SFMBT2: variants seen among roughly 807,000 people sequenced by gnomAD.
SFMBT2 encodes the protein scm-like with four MBT domains protein 2.
A neutral mutation model predicts 110.1 loss-of-function variants in SFMBT2; 38 were observed. The observed-to-expected ratio is 0.35, with a 90% confidence interval of 0.27 to 0.45. The LOEUF (loss-of-function observed/expected upper bound fraction) is 0.45, where lower values mean the gene tolerates loss of function less well. Ranked by LOEUF, SFMBT2 falls within the 20% of genes least tolerant of loss-of-function variation. The probability of loss-of-function intolerance (pLI) is 1.00; values close to 1 mark genes in which losing one functional copy is unlikely to be tolerated. For synonymous variants in SFMBT2, 425 were observed against 425.4 expected (o/e 1.00, Z 0.01); for missense variants, 1,011 against 1,094.9 (o/e 0.92, Z 1.08).
rs745856105 is a variant in SFMBT2 at position 7,334,616 on chromosome 10, G to A, written c.436+33033C>T. Among the ~76,000 whole-genome samples the A allele has an allele frequency of 3.9e-5, 6 of 152,150 alleles. No individual in the cohort carries two copies. The South Asian group carries it at 1.0e-3, about 26-fold the overall frequency. ...CTCATTAAAAGCGGGACCTGTCACC[G>A]ATACAGACATTAACTAAAGCATTAT... is the stretch of plus-strand genomic sequence containing the variant. On this transcript the variant is annotated intron_variant, in intron 4 of 20. Coordinates refer to ENST00000397167, the MANE Select transcript of SFMBT2 (RefSeq NM_001387889.1).
intron 11 of SFMBT2, among the ~76,000 whole-genome samples, chr10:7,208,883 T>C (rs923688226): frequency 4.6e-5 from 7 of 152,204 alleles, no homozygotes; most frequent in Middle Eastern, 3.2e-3. Context: ...TGATCATCTT[T>C]CCCATTCAAT....
rs183983568 is a variant in SFMBT2 at position 7,170,317 on chromosome 10, C to T, written c.2544+611G>A. ...ACAGGAGGCTCAACCAAAACCAGTT[C>T]TCTCCAGACAAAGGCCTGGCCAAGG... On this transcript the variant is annotated intron_variant, in intron 20 of 20. Transcript: ENST00000397167. The surrounding 1 kb of genome is among the most constrained non-coding windows in gnomAD (Gnocchi z 4.6). 1.1e-4 allele frequency among the ~76,000 whole-genome samples: 17 copies of T among 152,346 alleles called. No individual in the cohort carries two copies. Among genetic ancestry groups the T allele is most frequent in the Admixed American group, 3.9e-4 (6 of 15,310 alleles).
rs987509770 is a variant in SFMBT2 at position 7,301,391 on chromosome 10, A to G, written c.437-15437T>C. On this transcript the variant is annotated intron_variant, in intron 4 of 20. Transcript: ENST00000397167. This position sits in a 1 kb window ranked among gnomAD's most constrained non-coding sequence, Gnocchi z 4.2. ...GGTCAAGCAGCTCTTCCAATCATCAAGTGAGGAATGAAGAAAGCCCGAACT... is the reference window on the plus strand; with the variant it reads ...GGTCAAGCAGCTCTTCCAATCATCAGGTGAGGAATGAAGAAAGCCCGAACT... 1.3e-5 allele frequency among the ~76,000 whole-genome samples: 2 copies of G among 152,196 alleles called. No homozygotes were observed. The highest frequency in any genetic ancestry group is 6.5e-5 in the Admixed American group (1 of 15,282).
At position 7,205,142 on chromosome 10, in the gene SFMBT2, T is replaced by C. The variant is rs1839086503; in HGVS notation, c.1444+673A>G. ...CACGCTGGAGTCTACTGGTGCTTGG[T>C]TGCCATCTTGGCTCATTGCAGCGTT... On this transcript the variant is annotated intron_variant, in intron 12 of 20. Coordinates refer to ENST00000397167, the MANE Select transcript of SFMBT2 (RefSeq NM_001387889.1). 3 of 216,416 alleles carry C rather than the reference T, an allele frequency of 1.4e-5. No homozygotes were observed. In the South Asian group the frequency reaches 5.0e-4, roughly 36 times the overall value. The allele number at this position is 216,416 out of a possible 1,614,324, so 13.4% of individuals were successfully genotyped here.
chr10:7,222,641 C>T (rs952023671), intron 10 of SFMBT2, among the ~76,000 whole-genome samples: 1 of 151,818 alleles, frequency 6.6e-6, no homozygotes, highest in African/African-American at 2.4e-5. Context: ...CTAGCTAAGC[C>T]ATTAAGATCT....
chr10:7,161,015 C>T lies in SFMBT2; in HGVS notation c.*2755G>A, dbSNP rs1053021929. On this transcript the variant is annotated 3_prime_UTR_variant, in exon 21 of 21. Coordinates refer to ENST00000397167, the MANE Select transcript of SFMBT2 (RefSeq NM_001387889.1). ...TGTGCAGTGGTCCCAGCCATCTCCTCCCTGGCACGTGCACAGACAGTGCTC... is the reference window on the plus strand; with the variant it reads ...TGTGCAGTGGTCCCAGCCATCTCCTTCCTGGCACGTGCACAGACAGTGCTC... 6.6e-6 allele frequency: 1 copy of T among 152,268 alleles called. No homozygotes were observed. The highest frequency in any genetic ancestry group is 1.5e-5 in the Non-Finnish European group (1 of 68,090). 9.4% of individuals were successfully genotyped at this position (152,268 alleles called of 1,614,324 possible). A position where few individuals can be genotyped will look rare whatever the true frequency, so the allele number is the denominator to read the frequency against.
Position 7,371,590 on chromosome 10 carries a change from T to C in SFMBT2, c.101-1215A>G, listed in dbSNP as rs568938945. ...ACACGGCATAAATGTGATGGCATCA[T>C]TTTAAATGGAAATAATAAGCTGTAA... On this transcript the variant is annotated intron_variant, in intron 2 of 20. Transcript: ENST00000397167. Among the ~76,000 whole-genome samples the C allele has an allele frequency of 2.0e-5, 3 of 152,356 alleles. No homozygotes were observed. The East Asian group carries it at 5.8e-4, about 29-fold the overall frequency.
chr10:7,332,206 C>T (rs1031249644), intron 4 of SFMBT2, among the ~76,000 whole-genome samples: 3 of 152,052 alleles, frequency 2.0e-5, no homozygotes, highest in Non-Finnish European at 4.4e-5. Flanking sequence ...ACAGCTGAGA[C>T]TTTTCTACTT....
chr10:7,356,378 C>A (rs536717636), intron 4 of SFMBT2, among the ~76,000 whole-genome samples: 1 of 152,058 alleles, frequency 6.6e-6, no homozygotes, highest in Non-Finnish European at 1.5e-5. Flanking sequence ...ATGATGAAGG[C>A]ACACTAGCTA....
chr10:7,276,446 C>A (rs764274808), intron 7 of SFMBT2, among the ~76,000 whole-genome samples: 1 of 152,080 alleles, frequency 6.6e-6, no homozygotes, highest in African/African-American at 2.4e-5. Flanking sequence ...TAAAAAGCAA[C>A]ATGAAACAGA....
Position 7,387,565 on chromosome 10 carries a change from G to GA in SFMBT2, c.-51-5617_-51-5616insT, listed in dbSNP as rs549448026. ...GGAAGGCGAGCTTGGGTGGGCCGGG[G>GA]GGTGCATCAAAGCGGAACAGAAAAT... is the stretch of plus-strand genomic sequence containing the variant. On this transcript the variant is annotated intron_variant, in intron 1 of 20. Coordinates refer to ENST00000397167, the MANE Select transcript of SFMBT2 (RefSeq NM_001387889.1). Among the ~76,000 whole-genome samples, 7 of 152,090 alleles carry GA rather than the reference G, an allele frequency of 4.6e-5. No individual in the cohort carries two copies. In the South Asian group the frequency reaches 1.5e-3, roughly 32 times the overall value.
At chr10:7,342,432 A>C (rs1158762593) in intron 4 of SFMBT2, among the ~76,000 whole-genome samples, 1 of 94,070 alleles carries the variant, frequency 1.1e-5, no homozygotes, top group African/African-American at 4.0e-5. Flanking sequence ...TTTTTGAGAC[A>C]GAGTCTCGCT....
chr10:7,175,288 T>G (rs1222829724), intron 17 of SFMBT2, among the ~76,000 whole-genome samples: 3 of 152,260 alleles, frequency 2.0e-5, no homozygotes, highest in South Asian at 2.1e-4. Context: ...GTGGCTACTA[T>G]GGATGGAGAA....
intron 4 of SFMBT2, among the ~76,000 whole-genome samples, chr10:7,364,151 C>T (rs1240524163): frequency 6.6e-6 from 1 of 152,214 alleles, no homozygotes; most frequent in African/African-American, 2.4e-5. Context: ...AAACTTCTTG[C>T]CCCATGAACC....
At chr10:7,370,463 T>G (rs1235827226) in intron 2 of SFMBT2, 88 bp from the exon 3 acceptor site, 46 of 1,098,890 alleles carry the variant, frequency 4.2e-5, no homozygotes, top group Non-Finnish European at 5.9e-5. Context: ...AAATCCTTCA[T>G]ACAAGACACA....
At position 7,162,340 on chromosome 10, in the gene SFMBT2, C is replaced by G. The variant is rs1837571856; in HGVS notation, c.*1430G>C. The G allele has an allele frequency of 6.6e-6, 1 of 152,108 alleles. No individual in the cohort carries two copies. Among genetic ancestry groups the G allele is most frequent in the Non-Finnish European group, 1.5e-5 (1 of 68,092 alleles). The allele number at this position is 152,108 out of a possible 1,614,324, so 9.4% of individuals were successfully genotyped here. ...GAGTGGGGTGAATGCCAGCAGGAGA[C>G]AGTGTGCTCACCACCGCACCCTCAG... is the stretch of plus-strand genomic sequence containing the variant. On this transcript the variant is annotated 3_prime_UTR_variant, in exon 21 of 21. Transcript: ENST00000397167.
At chr10:7,389,552 C>G (rs1204485062) in intron 1 of SFMBT2, among the ~76,000 whole-genome samples, 1 of 152,164 alleles carries the variant, frequency 6.6e-6, no homozygotes, top group Non-Finnish European at 1.5e-5. Context: ...ACAAAGTTAA[C>G]TCTACTATAA....
chr10:7,285,977 AAAACAAAACAAAAC>A (rs1392689358), intron 4 of SFMBT2, 23 bp from the exon 5 acceptor site: 7 of 857,662 alleles, frequency 8.2e-6, no homozygotes, highest in African/African-American at 3.3e-5. Context: ...AGGAGAAAGA[AAAACAAAACAAAAC>A]AAAAAAAACA....
intron 11 of SFMBT2, among the ~76,000 whole-genome samples, chr10:7,216,956 A>T (rs1438145100): frequency 6.6e-6 from 1 of 152,236 alleles, no homozygotes; most frequent in African/African-American, 2.4e-5. Flanking sequence ...CTACAATTTA[A>T]TATTCTTGCC....
Sources: allele counts gnomAD v4.1 joint callset (sites outside exome capture counted in the v4.1 genomes callset), GRCh38; gene constraint gnomAD v4.1.1; non-coding constraint Gnocchi (gnomAD v3.1); transcripts MANE v1.5; gene names NCBI Gene and HGNC (gene_info 2026-07-23, HGNC 2026-07-21).